The following RABGAP1L variants were observed in gnomAD, a reference collection of about 807,000 sequenced individuals.
The protein encoded by RABGAP1L is RAB GTPase activating protein 1 like.
A neutral mutation model predicts 137.7 loss-of-function variants in RABGAP1L; 63 were observed. That is an observed-to-expected ratio of 0.46 (90% confidence interval 0.37 to 0.56). RABGAP1L has a LOEUF of 0.56. Ranked by LOEUF, RABGAP1L falls within the 20% of genes least tolerant of loss-of-function variation. The pLI is 0.00. For missense variants in RABGAP1L, 1,095 were observed against 1,244.0 expected, an observed-to-expected ratio of 0.88 and a Z score of 1.80; for synonymous variants, 431 against 433.7, an observed-to-expected ratio of 0.99 and a Z score of 0.08.
At chr1:174,957,963 A>AG (rs1668749992) in intron 20 of RABGAP1L, 2 of 1,570,916 alleles carry the variant, frequency 1.3e-6, no homozygotes, top group Middle Eastern at 1.7e-4. Context: ...AGAGAAAGAG[A>AG]GGGGAAAAAG....
In RABGAP1L at chr1:174,632,877, C is replaced by T. The variant is rs572422469; in HGVS notation, c.1711-4498C>T. Among the ~76,000 whole-genome samples, 47 of 151,358 alleles carry T rather than the reference C, an allele frequency of 3.1e-4. 1 individual carries two copies. Among genetic ancestry groups the T allele is most frequent in the African/African-American group, 1.1e-3 (46 of 41,008 alleles). Reference sequence around the variant, plus strand: ...CTCAGAGTAATTTGATCGTCTGAAGCCTTCTTCTCTCAGCTCGTCAAAATC... The same window carrying T: ...CTCAGAGTAATTTGATCGTCTGAAGTCTTCTTCTCTCAGCTCGTCAAAATC... On this transcript the variant is annotated intron_variant, in intron 13 of 25. Transcript: ENST00000681986.
intron 11 of RABGAP1L, among the ~76,000 whole-genome samples, chr1:174,345,970 T>G (rs1259775076): frequency 6.6e-6 from 1 of 152,184 alleles, no homozygotes; most frequent in Non-Finnish European, 1.5e-5. Flanking sequence ...ATTTTGAAGT[T>G]TATCAAAATT....
intron 13 of RABGAP1L, among the ~76,000 whole-genome samples, chr1:174,551,025 TACACACACACAC>T (rs752146297): frequency 1.0e-4 from 12 of 117,780 alleles, no homozygotes; most frequent in African/African-American, 4.4e-4. Flanking sequence ...TATATATACA[TACACACACACAC>T]ATATATATAT....
intron 10 of RABGAP1L, among the ~76,000 whole-genome samples, chr1:174,291,589 T>C (rs1261112342): frequency 6.6e-6 from 1 of 152,182 alleles, no homozygotes; most frequent in Admixed American, 6.5e-5. Context: ...GGGCCTATAG[T>C]TTACTTTATG....
At chr1:174,698,012 G>A (rs897031550) in intron 15 of RABGAP1L, among the ~76,000 whole-genome samples, 3 of 152,192 alleles carry the variant, frequency 2.0e-5, no homozygotes, top group African/African-American at 7.2e-5. Flanking sequence ...GAAAATAGAA[G>A]TGGCTGATTT....
intron 13 of RABGAP1L, among the ~76,000 whole-genome samples, chr1:174,624,481 T>C (rs1316607652): frequency 1.3e-5 from 2 of 152,208 alleles, no homozygotes; most frequent in African/African-American, 2.4e-5. Flanking sequence ...TTACAATGTC[T>C]TGCACATAAC....
At chr1:174,459,449 G>A (rs1339541337) in intron 13 of RABGAP1L, among the ~76,000 whole-genome samples, 2 of 152,050 alleles carry the variant, frequency 1.3e-5, no homozygotes, top group Non-Finnish European at 2.9e-5. Context: ...GTTCCGGGAT[G>A]CCCCAAGGAT....
intron 13 of RABGAP1L, among the ~76,000 whole-genome samples, chr1:174,610,054 T>C (rs1347991026): frequency 6.6e-6 from 1 of 150,686 alleles, no homozygotes; most frequent in Non-Finnish European, 1.5e-5. Flanking sequence ...TTTTTTTAAA[T>C]TTATTTTATT....
chr1:174,289,097 G>A (rs1477295455), intron 10 of RABGAP1L, among the ~76,000 whole-genome samples: 2 of 152,130 alleles, frequency 1.3e-5, no homozygotes, highest in Non-Finnish European at 2.9e-5. Flanking sequence ...GAATGCAGTG[G>A]CACAATCATA....
intron 18 of RABGAP1L, among the ~76,000 whole-genome samples, chr1:174,793,326 TCTC>T (rs989698196): frequency 3.3e-5 from 5 of 152,148 alleles, no homozygotes; most frequent in Non-Finnish European, 5.9e-5. Context: ...AGGGGAAAGT[TCTC>T]CTTTCTATTT....
rs749540865 is a variant in RABGAP1L, at chr1:174,832,021, G to A, written c.2340+20061G>A. Reference sequence around the variant, plus strand: ...GAAAAATAAGATCCAGGCTAGGTGCGGTGGTTCATGCCTATAATCCTAGCA... The same window carrying A: ...GAAAAATAAGATCCAGGCTAGGTGCAGTGGTTCATGCCTATAATCCTAGCA... On this transcript the variant is annotated intron_variant, in intron 19 of 25. Transcript: ENST00000681986. 2.0e-5 allele frequency among the ~76,000 whole-genome samples: 3 copies of A among 147,844 alleles called. 1 individual carries two copies. The highest frequency in any genetic ancestry group is 4.5e-5 in the Non-Finnish European group (3 of 66,522).
At chr1:174,616,534 G>T (rs1174021424) in intron 13 of RABGAP1L, among the ~76,000 whole-genome samples, 3 of 152,128 alleles carry the variant, frequency 2.0e-5, no homozygotes, top group African/African-American at 7.2e-5. Flanking sequence ...CCTAGAGGTG[G>T]CAATCAAATG....
intron 13 of RABGAP1L, among the ~76,000 whole-genome samples, chr1:174,473,950 A>G (rs1485455392): frequency 2.0e-5 from 3 of 152,196 alleles, no homozygotes; most frequent in Non-Finnish European, 2.9e-5. Context: ...CCTTTTCTAG[A>G]ACTTCTTTGA....
intron 18 of RABGAP1L, among the ~76,000 whole-genome samples, chr1:174,798,131 GTTAAGAAATCAT>G (rs2148816181): frequency 6.6e-6 from 1 of 150,714 alleles, no homozygotes; most frequent in South Asian, 2.1e-4. Flanking sequence ...TATTTAGTTT[GTTAAGAAATCAT>G]TTTAGCACTT....
At chr1:174,900,712 G>T (rs1658000981) in intron 19 of RABGAP1L, among the ~76,000 whole-genome samples, 1 of 152,006 alleles carries the variant, frequency 6.6e-6, no homozygotes, top group Admixed American at 6.6e-5. Context: ...TAGAGACAGG[G>T]TTTCACCATG....
chr1:174,627,967 T>C (rs1381566082), intron 13 of RABGAP1L, among the ~76,000 whole-genome samples: 1 of 152,140 alleles, frequency 6.6e-6, no homozygotes, highest in Non-Finnish European at 1.5e-5. Context: ...TGACTTCAAC[T>C]ATTTTTTATC....
chr1:174,549,900 G>T (rs867738434), intron 13 of RABGAP1L, among the ~76,000 whole-genome samples: 49 of 152,218 alleles, frequency 3.2e-4, no homozygotes, highest in African/African-American at 1.2e-3. Context: ...AGGTGCAGTG[G>T]CATTCCCTGT....
intron 13 of RABGAP1L, among the ~76,000 whole-genome samples, chr1:174,407,170 A>G (rs1289416852): frequency 6.6e-6 from 1 of 152,064 alleles, no homozygotes; most frequent in African/African-American, 2.4e-5. Context: ...CCCATGAGGC[A>G]CCTACCTCCT....
intron 13 of RABGAP1L, among the ~76,000 whole-genome samples, chr1:174,634,174 A>G (rs1482381833): frequency 2.2e-5 from 3 of 138,618 alleles, no homozygotes; most frequent in Admixed American, 1.4e-4. Flanking sequence ...CAATGAACTC[A>G]AACAAATTTA....
Sources: allele counts gnomAD v4.1 joint callset (sites outside exome capture counted in the v4.1 genomes callset), GRCh38; gene constraint gnomAD v4.1.1; transcripts MANE v1.5; gene names NCBI Gene and HGNC (gene_info 2026-07-23, HGNC 2026-07-21).